Variants in GLYATL3 observed in about 807,000 individuals in gnomAD.
GLYATL3 encodes the protein glycine-N-acyltransferase like 3.
GLYATL3 carries 31 observed loss-of-function variants against 28.5 expected under a neutral mutation model. The observed-to-expected ratio is 1.09, with a 90% CI of 0.82 to 1.47. GLYATL3 has a LOEUF of 1.47. GLYATL3 is among the 40% of genes most tolerant of loss of function. The pLI is 0.00. For synonymous variants in GLYATL3, 141 were observed against 140.2 expected (o/e 1.01, Z -0.04); for missense variants, 369 against 351.5 (o/e 1.05, Z -0.40).
At chr6:49,501,225 C>A (rs112739466) in intron 1 of GLYATL3, among the ~76,000 whole-genome samples, 1 of 150,972 alleles carries the variant, frequency 6.6e-6, no homozygotes, top group Non-Finnish European at 1.5e-5. Context: ...CATGGTGAAA[C>A]CCCCCATCTC....
At chr6:49,504,851 C>T (rs1433764633) in intron 1 of GLYATL3, among the ~76,000 whole-genome samples, 1 of 152,076 alleles carries the variant, frequency 6.6e-6, no homozygotes, top group African/African-American at 2.4e-5. Flanking sequence ...GTGGCTTCTC[C>T]AGTTTGACAG....
At chr6:49,501,820 T>C (rs1480582997) in intron 1 of GLYATL3, among the ~76,000 whole-genome samples, 3 of 152,206 alleles carry the variant, frequency 2.0e-5, no homozygotes, top group Non-Finnish European at 2.9e-5. Flanking sequence ...TAGCCCTATC[T>C]TATCCATATG....
Position 49,517,544 on chromosome 6 carries a change from T to C in GLYATL3, c.301T>C (p.Phe101Leu). The C allele has an allele frequency of 6.4e-7, 1 of 1,550,792 alleles. No individual in the cohort carries two copies. Among genetic ancestry groups the C allele is most frequent in the Non-Finnish European group, 8.7e-7 (1 of 1,146,480 alleles). ...ECDVFNWDQV[F>L]QIQGLQSELY... ...TGATGTTTTTAACTGGGACCAAGTTTTTCAAATACAAGGTGAGGTCAAGTG... is the reference window on the plus strand; with the variant it reads ...TGATGTTTTTAACTGGGACCAAGTTCTTCAAATACAAGGTGAGGTCAAGTG... Residue 101 changes from phenylalanine to leucine, a missense_variant, in exon 4 of 6, where the codon TTT becomes CTT. Phe to Leu is a conservative substitution (Grantham distance 22). Transcript: ENST00000371197.
In GLYATL3 at chr6:49,527,906, T is replaced by C. The variant is rs937204017; in HGVS notation, c.*992T>C. Among the ~76,000 whole-genome samples the C allele has an allele frequency of 2.0e-5, 3 of 152,080 alleles. No individual in the cohort carries two copies. Among genetic ancestry groups the C allele is most frequent in the East Asian group, 3.8e-4 (2 of 5,198 alleles). ...TAACCCTTTGATTACATATGAAAAA[T>C]TTGAGGACCAGAGAAAATAAATGAC... On this transcript the variant is annotated 3_prime_UTR_variant, in exon 6 of 6. Transcript: ENST00000371197.
rs543211670 is a variant in GLYATL3 at position 49,515,871 on chromosome 6, T to C, written c.186+111T>C. The C allele has an allele frequency of 1.2e-3, 804 of 665,790 alleles. 9 individuals carry two copies. The African/African-American group carries it at 0.013, about 11-fold the overall frequency. 41.2% of individuals were successfully genotyped at this position (665,790 alleles called of 1,614,324 possible). A position where few individuals can be genotyped will look rare whatever the true frequency, so the allele number is the denominator to read the frequency against. The stretch of plus-strand genomic sequence containing the variant: ...ATTTACATTAGCTTACAACACTGTT[T>C]CACCATTCATTTCTTTTCTTTCTTT... On this transcript the variant is annotated intron_variant, in intron 3 of 5. Coordinates refer to ENST00000371197, the MANE Select transcript of GLYATL3 (RefSeq NM_001010904.2).
chr6:49,520,302 G>T (rs1245118768), intron 4 of GLYATL3, among the ~76,000 whole-genome samples: 2 of 152,134 alleles, frequency 1.3e-5, no homozygotes, highest in Non-Finnish European at 2.9e-5. Flanking sequence ...AAACTATAGT[G>T]TGTTTAAGAA....
intron 5 of GLYATL3, among the ~76,000 whole-genome samples, chr6:49,525,487 C>T (rs1018880652): frequency 2.2e-5 from 3 of 138,672 alleles, no homozygotes; most frequent in African/African-American, 5.5e-5. Flanking sequence ...TCGCTTGAAC[C>T]GGGGAGGTGG....
In GLYATL3 at chr6:49,517,489, C is replaced by A. The variant is rs1045639354; in HGVS notation, c.246C>A (p.Val82=). 2 of 1,550,308 alleles carry A rather than the reference C, an allele frequency of 1.3e-6. No homozygotes were observed. Among genetic ancestry groups the A allele is most frequent in the Non-Finnish European group, 1.7e-6 (2 of 1,145,816 alleles). Residue 82 remains valine (V), a synonymous_variant, in exon 4 of 6, where the codon GTC becomes GTA. Transcript: ENST00000371197. ...CCTATGCTGTGTTCTACAAGGATGT[C>A]AGGGCTTATCGACAGCTATTGGAAG... ...TNAYAVFYKD[V]RAYRQLLEEC... is the part of the protein sequence containing the mutation.
intron 1 of GLYATL3, among the ~76,000 whole-genome samples, chr6:49,511,068 A>G (rs1031379410): frequency 2.0e-5 from 3 of 152,142 alleles, no homozygotes; most frequent in Admixed American, 6.5e-5. Flanking sequence ...CAGAGGCACC[A>G]TGTTCTCCTG....
At chr6:49,526,456 G>A (rs1044398743) in intron 5 of GLYATL3, 32 bp from the exon 6 acceptor site, 1 of 1,528,562 alleles carries the variant, frequency 6.5e-7, no homozygotes, top group East Asian at 2.5e-5. Flanking sequence ...TGAGTCTGAG[G>A]TCCTATTTGT....
intron 5 of GLYATL3, among the ~76,000 whole-genome samples, chr6:49,525,755 T>C (rs1429175168): frequency 6.6e-6 from 1 of 152,054 alleles, no homozygotes; most frequent in Non-Finnish European, 1.5e-5. Flanking sequence ...TATTTGGGCA[T>C]GGTCTGCTCA....
At chr6:49,526,429 A>G (rs1247732966) in intron 5 of GLYATL3, 59 bp from the exon 6 acceptor site, 1 of 1,375,054 alleles carries the variant, frequency 7.3e-7, no homozygotes, top group South Asian at 1.4e-5. Flanking sequence ...AAAAATGTGT[A>G]GTTATGTATA....
At chr6:49,514,132 G>A (rs1319653300) in intron 2 of GLYATL3, among the ~76,000 whole-genome samples, 2 of 152,108 alleles carry the variant, frequency 1.3e-5, no homozygotes, top group Non-Finnish European at 2.9e-5. Flanking sequence ...TACAGAGAAA[G>A]AAAATTACTT....
At chr6:49,507,278 C>T (rs772543479) in intron 1 of GLYATL3, among the ~76,000 whole-genome samples, 11 of 152,036 alleles carry the variant, frequency 7.2e-5, no homozygotes, top group Non-Finnish European at 1.3e-4. Context: ...TGAATAAGAG[C>T]CCAGTCAGTC....
At chr6:49,505,801 G>A (rs901101039) in intron 1 of GLYATL3, among the ~76,000 whole-genome samples, 8 of 152,162 alleles carry the variant, frequency 5.3e-5, no homozygotes, top group Non-Finnish European at 1.2e-4. Flanking sequence ...CTTAGAGGCT[G>A]AATTAGGAAG....
chr6:49,501,178 T>C (rs1209559065), intron 1 of GLYATL3, among the ~76,000 whole-genome samples: 1 of 152,090 alleles, frequency 6.6e-6, no homozygotes, highest in South Asian at 2.1e-4. Flanking sequence ...GGCAGGTGGA[T>C]CACATGAGGT....
intron 5 of GLYATL3, among the ~76,000 whole-genome samples, chr6:49,525,526 C>T (rs921186184): frequency 7.3e-5 from 9 of 124,004 alleles, no homozygotes; most frequent in Admixed American, 1.1e-4. Flanking sequence ...ATTGCACCAC[C>T]GCAACTCCAA....
chr6:49,508,272 G>A (rs1769051594), intron 1 of GLYATL3, among the ~76,000 whole-genome samples: 1 of 152,042 alleles, frequency 6.6e-6, no homozygotes, highest in Admixed American at 6.6e-5. Flanking sequence ...TTCCAGCCTG[G>A]GCGACACAGT....
At chr6:49,509,959 TTTCTTTC>T (rs1370996775) in intron 1 of GLYATL3, among the ~76,000 whole-genome samples, 4 of 89,580 alleles carry the variant, frequency 4.5e-5, no homozygotes, top group South Asian at 7.8e-4. Context: ...TCTTTCTTTC[TTTCTTTC>T]TTTCTTTCTT....
Sources: gnomAD v4.1 joint callset for allele counts (sites outside exome capture counted in the v4.1 genomes callset) on GRCh38, gnomAD v4.1.1 for gene constraint, MANE v1.5 for transcripts, NCBI Gene and HGNC (gene_info 2026-07-23, HGNC 2026-07-21) for gene names.